The following IGDCC3 variants were observed in gnomAD, a reference collection of about 807,000 sequenced individuals.
IGDCC3 encodes immunoglobulin superfamily DCC subclass member 3, also known as putative neuronal cell adhesion molecule.
A neutral mutation model predicts 72.0 loss-of-function variants in IGDCC3; 47 were observed. The ratio of observed to expected loss-of-function variants is 0.65; its 90% CI spans 0.52 to 0.83. The LOEUF (loss-of-function observed/expected upper bound fraction) is 0.83. Among genes scored for constraint, IGDCC3 ranks in the 40% least tolerant of loss-of-function variants. The probability of loss-of-function intolerance (pLI) is 0.00; values close to 1 mark genes in which losing one functional copy is unlikely to be tolerated. For synonymous variants in IGDCC3, 477 were observed against 472.8 expected (o/e 1.01, Z -0.11); for missense variants, 1,038 against 1,091.3 (o/e 0.95, Z 0.69).
At chr15:65,349,769 C>A (rs1281022930) in intron 2 of IGDCC3, among the ~76,000 whole-genome samples, 3 of 152,152 alleles carry the variant, frequency 2.0e-5, no homozygotes, top group Non-Finnish European at 2.9e-5. Context: ...TTTTAGGGTT[C>A]ATGTCATAGT....
At chr15:65,364,963 C>A (rs1338714915) in intron 2 of IGDCC3, among the ~76,000 whole-genome samples, 3 of 152,142 alleles carry the variant, frequency 2.0e-5, no homozygotes, top group Admixed American at 6.5e-5. Flanking sequence ...CCTTTCTGAA[C>A]CAGAGGGCAG....
intron 5 of IGDCC3, 112 bp downstream of exon 5, chr15:65,334,616 G>T (rs2091009443): frequency 9.9e-7 from 1 of 1,012,182 alleles, no homozygotes. Context: ...GACCCCCACA[G>T]AGAACAAACA....
Position 65,377,403 on chromosome 15 carries a change from C to T in IGDCC3, c.103+283G>A, listed in dbSNP as rs1441623463. Among the ~76,000 whole-genome samples the T allele has an allele frequency of 6.6e-6, 1 of 152,150 alleles. No homozygotes were observed. Among genetic ancestry groups the T allele is most frequent in the African/African-American group, 2.4e-5 (1 of 41,436 alleles). ...CCCTCGGTCTCCACGCCAGCCCGCC[C>T]CGCTTGCTCCCGCTTCGCTGCACTC... On this transcript the variant is annotated intron_variant, in intron 1 of 13. Transcript: ENST00000327987. The surrounding 1 kb of genome is among the most constrained non-coding windows in gnomAD (Gnocchi z 4.9).
chr15:65,356,085 G>A (rs186354703), intron 2 of IGDCC3: 5 of 238,938 alleles, frequency 2.1e-5, no homozygotes, highest in Non-Finnish European at 4.3e-5. Context: ...CTAACTGAGC[G>A]CGCAGTTGTC....
At chr15:65,352,734 A>C (rs1376076325) in intron 2 of IGDCC3, among the ~76,000 whole-genome samples, 1 of 152,254 alleles carries the variant, frequency 6.6e-6, no homozygotes, top group Non-Finnish European at 1.5e-5. Context: ...TGTGAAAAAT[A>C]ATTATTATTG....
chr15:65,330,556 G>T lies in IGDCC3; in HGVS notation c.1747C>A (p.Gln583Lys). 1.2e-6 allele frequency: 2 copies of T among 1,613,002 alleles called. No individual in the cohort carries two copies. The highest frequency in any genetic ancestry group is 8.5e-7 in the Non-Finnish European group (1 of 1,179,728). Residue 583 changes from glutamine (Q) to lysine (K), a missense_variant, in exon 10 of 14, where the codon CAG (glutamine) becomes AAG (lysine). Physicochemically the swap from Gln to Lys is moderately conservative, Grantham distance 53. Coordinates refer to ENST00000327987, the MANE Select transcript of IGDCC3 (RefSeq NM_004884.4). ...PGTVSSYNLSQLDPTAVYEVK... is the reference protein window; with the variant it reads ...PGTVSSYNLSKLDPTAVYEVK... ...TGGGCTGTGTCTGCCTCACCGAGCT[G>T]GCTGAGGTTGTAGGAGGAGACGGTT...
intron 2 of IGDCC3, among the ~76,000 whole-genome samples, chr15:65,348,515 G>A (rs151066220): frequency 4.7e-4 from 71 of 152,318 alleles, no homozygotes; most frequent in African/African-American, 1.4e-3. Flanking sequence ...CAACCCAAAG[G>A]GAATAGACTG....
intron 2 of IGDCC3, among the ~76,000 whole-genome samples, chr15:65,353,998 C>T (rs1478826756): frequency 6.6e-6 from 1 of 152,166 alleles, no homozygotes; most frequent in East Asian, 1.9e-4. Flanking sequence ...CTCCACCTCC[C>T]TGCTTCAAGT....
chr15:65,329,665 CCTT>C lies in IGDCC3; in HGVS notation c.1997+58_1997+60del. ...GACAGAGGCAGTGAGCCCACACTCA[CCTT>C]CTCTAGGCCTAGTCCCCCACACACC... On this transcript the variant is annotated intron_variant, in intron 12 of 13. Transcript: ENST00000327987. This position sits in a 1 kb window ranked among gnomAD's most constrained non-coding sequence, Gnocchi z 4.1. The C allele has an allele frequency of 6.2e-7, 1 of 1,612,514 alleles. No individual in the cohort carries two copies. Among genetic ancestry groups the C allele is most frequent in the Non-Finnish European group, 8.5e-7 (1 of 1,178,874 alleles).
At chr15:65,372,971 C>T (rs905209745) in intron 2 of IGDCC3, among the ~76,000 whole-genome samples, 2 of 152,138 alleles carry the variant, frequency 1.3e-5, no homozygotes, top group African/African-American at 4.8e-5. Flanking sequence ...GGAGGCAAAC[C>T]CCCCAGCTGT....
chr15:65,332,154 A>G (rs764561530), intron 6 of IGDCC3, 48 bp from the exon 7 acceptor site: 8 of 1,581,862 alleles, frequency 5.1e-6, no homozygotes, highest in Non-Finnish European at 6.9e-6. Flanking sequence ...CACAGCTGTG[A>G]GTGACGGCAT....
At chr15:65,355,547 G>GC (rs1024808332) in intron 2 of IGDCC3, among the ~76,000 whole-genome samples, 6 of 149,750 alleles carry the variant, frequency 4.0e-5, no homozygotes, top group Non-Finnish European at 6.0e-5. Context: ...CTTCCCGGCG[G>GC]CCGGGCCCGA....
At chr15:65,364,910 A>G (rs1567071150) in intron 2 of IGDCC3, among the ~76,000 whole-genome samples, 1 of 152,038 alleles carries the variant, frequency 6.6e-6, no homozygotes, top group Non-Finnish European at 1.5e-5. Flanking sequence ...AAAATAGAAC[A>G]TGCACGCCAG....
At chr15:65,348,673 C>G (rs1033920526) in intron 2 of IGDCC3, among the ~76,000 whole-genome samples, 1 of 152,108 alleles carries the variant, frequency 6.6e-6, no homozygotes, top group Non-Finnish European at 1.5e-5. Context: ...GATGCTTGAC[C>G]GACCCCGGGT....
intron 2 of IGDCC3, among the ~76,000 whole-genome samples, chr15:65,343,763 C>T (rs2140148976): frequency 6.6e-6 from 1 of 152,288 alleles, no homozygotes; most frequent in South Asian, 2.1e-4. Flanking sequence ...GGCAAGGAGG[C>T]CAGCCATGTC....
In IGDCC3 at chr15:65,328,118, C is replaced by A. The variant is rs1036072149; in HGVS notation, c.*791G>T. ...ACAAGAGTTCCCCTTGGTGGCCCAACCTCTGGCCTCTCCTCTGCAGGAGAG... is the reference window on the plus strand; with the variant it reads ...ACAAGAGTTCCCCTTGGTGGCCCAAACTCTGGCCTCTCCTCTGCAGGAGAG... On this transcript the variant is annotated 3_prime_UTR_variant, in exon 14 of 14. Coordinates refer to ENST00000327987, the MANE Select transcript of IGDCC3 (RefSeq NM_004884.4). 2.6e-5 allele frequency: 4 copies of A among 152,622 alleles called. No individual in the cohort carries two copies. Among genetic ancestry groups the A allele is most frequent in the Non-Finnish European group, 5.9e-5 (4 of 68,048 alleles). The allele number at this position is 152,622 out of a possible 1,614,324, so 9.5% of individuals were successfully genotyped here.
chr15:65,344,085 A>G (rs2091105232), intron 2 of IGDCC3, among the ~76,000 whole-genome samples: 1 of 152,186 alleles, frequency 6.6e-6, no homozygotes, highest in African/African-American at 2.4e-5. Flanking sequence ...GGGCTTCCAA[A>G]GGAGCATCTG....
At chr15:65,351,544 A>AG (rs1402072521) in intron 2 of IGDCC3, among the ~76,000 whole-genome samples, 1 of 152,128 alleles carries the variant, frequency 6.6e-6, no homozygotes, top group Non-Finnish European at 1.5e-5. Context: ...AAAAAAAAAA[A>AG]AAAAAGAATC....
intron 2 of IGDCC3, among the ~76,000 whole-genome samples, chr15:65,352,867 T>A (rs115316846): frequency 1.3e-5 from 2 of 152,232 alleles, no homozygotes; most frequent in Admixed American, 6.5e-5. Flanking sequence ...GGTACACTTA[T>A]TGTTAAAGTC....
Sources: allele counts gnomAD v4.1 joint callset (sites outside exome capture counted in the v4.1 genomes callset), GRCh38; gene constraint gnomAD v4.1.1; non-coding constraint Gnocchi (gnomAD v3.1); transcripts MANE v1.5; gene names NCBI Gene and HGNC (gene_info 2026-07-23, HGNC 2026-07-21).